The following SNRNP200 variants were observed in gnomAD, a reference collection of about 807,000 sequenced individuals.
The protein encoded by SNRNP200 is U5 small nuclear ribonucleoprotein 200 kDa helicase.
In SNRNP200, 66 loss-of-function variants were observed where a neutral mutation model predicts 255.2. The ratio of observed to expected loss-of-function variants is 0.26; its 90% CI spans 0.21 to 0.32. The LOEUF is 0.32. Among genes scored for constraint, SNRNP200 ranks in the 10% least tolerant of loss-of-function variants. SNRNP200 has a pLI of 1.00. For synonymous variants in SNRNP200, 939 were observed against 1,027.8 expected (o/e 0.91, Z 1.65); for missense variants, 1,585 against 2,749.8 (o/e 0.58, Z 9.47).
At chr2:96,275,529 T>C (rs550923672) in intron 43 of SNRNP200, among the ~76,000 whole-genome samples, 180 bp from the exon 44 acceptor site, 9 of 152,252 alleles carry the variant, frequency 5.9e-5, no homozygotes, top group Non-Finnish European at 2.9e-5. Context: ...ACAGACTTAA[T>C]TTTTTAAGTA....
chr2:96,284,286 A>T (rs1450492923), intron 31 of SNRNP200, 72 bp downstream of exon 31: 1 of 1,368,306 alleles, frequency 7.3e-7, no homozygotes, highest in Non-Finnish European at 1.0e-6. Flanking sequence ...CTCAGACCCA[A>T]ACATTAGGTC....
rs778356976 is a variant in SNRNP200, at chr2:96,304,689, T to C, written c.209+16A>G. ...TTTGGATCTGAAGGAAAAAATAGTA[T>C]CCCCTTGGCACTCACTTGGCTCTTC... On this transcript the variant is annotated intron_variant, in intron 2 of 44. Coordinates refer to ENST00000323853, the MANE Select transcript of SNRNP200 (RefSeq NM_014014.5). 1.2e-6 allele frequency: 2 copies of C among 1,613,874 alleles called. No homozygotes were observed. Among genetic ancestry groups the C allele is most frequent in the South Asian group, 1.1e-5 (1 of 91,084 alleles).
In SNRNP200 at chr2:96,274,930, C is replaced by T; in HGVS notation, c.*82G>A. 1 of 1,541,676 alleles carries T rather than the reference C, an allele frequency of 6.5e-7. No homozygotes were observed. The highest frequency in any genetic ancestry group is 8.9e-7 in the Non-Finnish European group (1 of 1,118,882). On this transcript the variant is annotated 3_prime_UTR_variant, in exon 45 of 45. Transcript: ENST00000323853. ...CAGACCTGAGGCCCACAGACCTGGT[C>T]CCCACAACCAGGATTCCTACAATGT...
At chr2:96,297,818 T>A in intron 9 of SNRNP200, 98 bp from the exon 10 acceptor site, 3 of 1,262,358 alleles carry the variant, frequency 2.4e-6, no homozygotes, top group East Asian at 2.4e-5. Context: ...GAGTCACAGG[T>A]GCTGACTAGT....
rs757366987 is a variant in SNRNP200 at position 96,286,652 on chromosome 2, G to T, written c.3829+36C>A. 1.9e-6 allele frequency: 3 copies of T among 1,609,310 alleles called. No homozygotes were observed. Among genetic ancestry groups the T allele is most frequent in the Admixed American group, 1.7e-5 (1 of 59,986 alleles). On this transcript the variant is annotated intron_variant, in intron 28 of 44. Coordinates refer to ENST00000323853, the MANE Select transcript of SNRNP200 (RefSeq NM_014014.5). This position sits in a 1 kb window ranked among gnomAD's most constrained non-coding sequence, Gnocchi z 4.8. ...GACATTCTTCTACTGTCCTTGGAGG[G>T]ACTGTTCCTGGGGACTCTGGAGAGG...
intron 36 of SNRNP200, 81 bp from the exon 37 acceptor site, chr2:96,279,079 C>A (rs1029129110): frequency 2.6e-6 from 3 of 1,161,834 alleles, no homozygotes; most frequent in East Asian, 2.4e-5. Flanking sequence ...ATCAACAGGG[C>A]ATGGTCCCTG....
Position 96,293,498 on chromosome 2 carries a change from A to G in SNRNP200, c.1854T>C (p.His618=), listed in dbSNP as rs147622706. Residue 618 remains histidine, a synonymous_variant, in exon 15 of 45, where the codon CAT becomes CAC. Coordinates refer to ENST00000323853, the MANE Select transcript of SNRNP200 (RefSeq NM_014014.5). ...LVRLIILDEI[H]LLHDDRGPVL... ...CAGGACCTCTGTCATCGTGGAGAAGATGAATCTCATCCTACGGAATTGGAG... is the reference window on the plus strand; with the variant it reads ...CAGGACCTCTGTCATCGTGGAGAAGGTGAATCTCATCCTACGGAATTGGAG... 4.0e-4 allele frequency: 649 copies of G among 1,612,208 alleles called. 1 individual carries two copies. The highest frequency in any genetic ancestry group is 4.3e-4 in the Non-Finnish European group (505 of 1,179,996).
chr2:96,298,002 A>G (rs1247654106), intron 9 of SNRNP200, among the ~76,000 whole-genome samples: 1 of 152,242 alleles, frequency 6.6e-6, no homozygotes, highest in Non-Finnish European at 1.5e-5. Context: ...TTAAGCAAGT[A>G]CATGTGTTCT....
rs534022491 is a variant in SNRNP200 at position 96,292,964 on chromosome 2, G to A, written c.2160+8C>T. 1.8e-5 allele frequency: 29 copies of A among 1,613,622 alleles called. No individual in the cohort carries two copies. Among genetic ancestry groups the A allele is most frequent in the Middle Eastern group, 1.7e-4 (1 of 6,028 alleles). On this transcript the variant is annotated splice_region_variant and intron_variant, in intron 16 of 44. Coordinates refer to ENST00000323853, the MANE Select transcript of SNRNP200 (RefSeq NM_014014.5). ...GGGTTCAAGAGTAACCATAAACCAC[G>A]GGCAAACCTGATTTTTTCCAGCATG...
At chr2:96,300,324 G>T (rs978767694) in intron 5 of SNRNP200, among the ~76,000 whole-genome samples, 1 of 152,142 alleles carries the variant, frequency 6.6e-6, no homozygotes, top group Non-Finnish European at 1.5e-5. Flanking sequence ...CAATCTTTTA[G>T]TCAGATACAG....
At chr2:96,276,418 A>G in intron 43 of SNRNP200, 1 of 199,350 alleles carries the variant, frequency 5.0e-6, no homozygotes, top group Non-Finnish European at 1.1e-5. Flanking sequence ...CCAGTCATCT[A>G]AATTTTTTTT....
At position 96,287,854 on chromosome 2, in the gene SNRNP200, G is replaced by A; in HGVS notation, c.3365+9C>T. Reference sequence around the variant, plus strand: ...ATGGTGACCAGCATCCAGCTCACTGGGTCCTTACATGCGTTTGTCGATCAT... The same window carrying A: ...ATGGTGACCAGCATCCAGCTCACTGAGTCCTTACATGCGTTTGTCGATCAT... On this transcript the variant is annotated intron_variant, in intron 25 of 44. Coordinates refer to ENST00000323853, the MANE Select transcript of SNRNP200 (RefSeq NM_014014.5). The surrounding 1 kb of genome is among the most constrained non-coding windows in gnomAD (Gnocchi z 5.7). 6.2e-7 allele frequency: 1 copy of A among 1,612,220 alleles called. No individual in the cohort carries two copies.
In SNRNP200 at chr2:96,287,792, C is replaced by A. The variant is rs979716337; in HGVS notation, c.3365+71G>T. 5 of 1,310,840 alleles carry A rather than the reference C, an allele frequency of 3.8e-6. No individual in the cohort carries two copies. In the African/African-American group the frequency reaches 7.3e-5, roughly 19 times the overall value. 81.2% of individuals were successfully genotyped at this position (1,310,840 alleles called of 1,614,324 possible). ...TCTGGAGATCAGATGCACCCTGAGG[C>A]TTTCCCATCAGACCCTTGGGTTGGG... is the stretch of plus-strand genomic sequence containing the variant. On this transcript the variant is annotated intron_variant, in intron 25 of 44. Coordinates refer to ENST00000323853, the MANE Select transcript of SNRNP200 (RefSeq NM_014014.5). This position sits in a 1 kb window ranked among gnomAD's most constrained non-coding sequence, Gnocchi z 5.7.
In SNRNP200 at chr2:96,290,844, G is replaced by A; in HGVS notation, c.2422-29C>T. On this transcript the variant is annotated intron_variant, in intron 18 of 44. Transcript: ENST00000323853. The surrounding 1 kb of genome is among the most constrained non-coding windows in gnomAD (Gnocchi z 4.5). ...CAGAGGCAAAACAAGGTAATGAGGA[G>A]AACAGATGCCATCACCAGGGGTTAA... 6.2e-7 allele frequency: 1 copy of A among 1,613,884 alleles called. No individual in the cohort carries two copies. The highest frequency in any genetic ancestry group is 8.5e-7 in the Non-Finnish European group (1 of 1,179,868).
At chr2:96,282,211 G>A (rs1487043970) in intron 34 of SNRNP200, 3 of 404,698 alleles carry the variant, frequency 7.4e-6, no homozygotes, top group Non-Finnish European at 1.4e-5. Context: ...CTGCTCCTCT[G>A]ACCAGAAAGT....
chr2:96,274,442 C>G lies in SNRNP200; in HGVS notation c.*570G>C, dbSNP rs1573985661. 6.3e-6 allele frequency: 1 copy of G among 159,816 alleles called. No individual in the cohort carries two copies. The highest frequency in any genetic ancestry group is 2.4e-5 in the African/African-American group (1 of 41,504). The allele number at this position is 159,816 out of a possible 1,614,324, so 9.9% of individuals were successfully genotyped here. A position where few individuals can be genotyped will look rare whatever the true frequency, so the allele number is the denominator to read the frequency against. ...GGAGCAGACACTGCAAATTTCAGAA[C>G]CCCCATCTAGAGAAACCCCTAACCT... On this transcript the variant is annotated 3_prime_UTR_variant, in exon 45 of 45. Transcript: ENST00000323853.
At chr2:96,279,316 G>A (rs894265649) in intron 36 of SNRNP200, 135 bp downstream of exon 36, 23 of 747,208 alleles carry the variant, frequency 3.1e-5, no homozygotes, top group Admixed American at 2.6e-4. Context: ...TGGCAGGCTC[G>A]TCACAAAAGA....
rs1574004070 is a variant in SNRNP200 at position 96,305,493 on chromosome 2, A to T, written c.-56T>A. 15 of 1,610,552 alleles carry T rather than the reference A, an allele frequency of 9.3e-6. No individual in the cohort carries two copies. Among genetic ancestry groups the T allele is most frequent in the Non-Finnish European group, 1.3e-5 (15 of 1,178,290 alleles). On this transcript the variant is annotated 5_prime_UTR_variant, in exon 1 of 45. Transcript: ENST00000323853. ...CACGCCTCCCTACCGCAAGCTGCAA[A>T]CGGCCGCAGATCTCTGCTCCCGCCG...
At chr2:96,296,287 T>C (rs2063916221) in intron 13 of SNRNP200, among the ~76,000 whole-genome samples, 1 of 152,080 alleles carries the variant, frequency 6.6e-6, no homozygotes, top group Admixed American at 6.5e-5. Context: ...CTGCAGAAAA[T>C]TGCCATGGAG....
Sources: gnomAD v4.1 joint callset for allele counts (sites outside exome capture counted in the v4.1 genomes callset) on GRCh38, gnomAD v4.1.1 for gene constraint, Gnocchi (gnomAD v3.1) non-coding constraint, MANE v1.5 for transcripts, NCBI Gene and HGNC (gene_info 2026-07-23, HGNC 2026-07-21) for gene names.